TMEM204: variants seen among roughly 807,000 people sequenced by gnomAD.
TMEM204 encodes transmembrane protein 204, also known as claudin-like protein 24.
Under a neutral mutation model 19.4 loss-of-function variants are expected in TMEM204, and 15 were observed. That is an observed-to-expected ratio of 0.77 (90% confidence interval 0.52 to 1.19). TMEM204 has a LOEUF of 1.19. TMEM204 is among the 50% of genes most tolerant of loss of function. The pLI, the probability that TMEM204 is intolerant of heterozygous loss-of-function variation, is 0.00. For missense variants in TMEM204, 287 were observed against 321.2 expected, an observed-to-expected ratio of 0.89 and a Z score of 0.81; for synonymous variants, 161 against 146.0, an observed-to-expected ratio of 1.10 and a Z score of -0.74.
chr16:1,536,115 C>T (rs1218172502), intron 1 of TMEM204, among the ~76,000 whole-genome samples: 1 of 152,250 alleles, frequency 6.6e-6, no homozygotes, highest in Non-Finnish European at 1.5e-5. Flanking sequence ...GAGTTCCCAG[C>T]CGGCCCTTGG....
intron 1 of TMEM204, among the ~76,000 whole-genome samples, chr16:1,540,003 G>A (rs911586362): frequency 9.2e-5 from 14 of 152,204 alleles, no homozygotes; most frequent in Admixed American, 7.8e-4. Context: ...AGCTCCCTCC[G>A]CCCCGAGTGA....
Position 1,553,550 on chromosome 16 carries a change from G to C in TMEM204, c.437-1232G>C, listed in dbSNP as rs898091515. 40 of 1,002,306 alleles carry C rather than the reference G, an allele frequency of 4.0e-5. No individual in the cohort carries two copies. The highest frequency in any genetic ancestry group is 4.6e-5 in the Non-Finnish European group (39 of 839,128). The allele number at this position is 1,002,306 out of a possible 1,614,324, so 62.1% of individuals were successfully genotyped here. ...GACAAGTCCTCTATGGACAAGAGGGGCTGGAGAGTTTAATCTGGACCAGTG... is the reference window on the plus strand; with the variant it reads ...GACAAGTCCTCTATGGACAAGAGGGCCTGGAGAGTTTAATCTGGACCAGTG... On this transcript the variant is annotated intron_variant, in intron 2 of 2. Transcript: ENST00000566264. This position sits in a 1 kb window ranked among gnomAD's most constrained non-coding sequence, Gnocchi z 4.4.
chr16:1,545,941 T>C (rs1265889373), intron 2 of TMEM204, among the ~76,000 whole-genome samples: 1 of 152,216 alleles, frequency 6.6e-6, no homozygotes, highest in Admixed American at 6.5e-5. Context: ...AGCTGAAATG[T>C]GCGGGGACCC....
At chr16:1,544,078 C>T (rs1299622895) in intron 2 of TMEM204, among the ~76,000 whole-genome samples, 7 of 149,542 alleles carry the variant, frequency 4.7e-5, no homozygotes, top group Admixed American at 1.3e-4. Context: ...AGTGCAGTGG[C>T]GCAATCTCGG....
intron 1 of TMEM204, 103 bp downstream of exon 1, chr16:1,534,658 C>T: frequency 6.6e-7 from 1 of 1,519,284 alleles, no homozygotes; most frequent in East Asian, 2.3e-5. Flanking sequence ...AGGCCTGGCC[C>T]CTGCTCTGCC....
intron 2 of TMEM204, among the ~76,000 whole-genome samples, chr16:1,545,197 G>A (rs905753226): frequency 6.6e-6 from 1 of 152,228 alleles, no homozygotes; most frequent in African/African-American, 2.4e-5. Context: ...TCCTGGTCAG[G>A]AGGGATGGTG....
chr16:1,535,936 G>A (rs1399654622), intron 1 of TMEM204, among the ~76,000 whole-genome samples: 3 of 152,232 alleles, frequency 2.0e-5, no homozygotes, highest in African/African-American at 4.8e-5. Context: ...CCGGCCAGGC[G>A]CCCTTCTTCC....
chr16:1,529,087 G>A (rs950925600), upstream of TMEM204, among the ~76,000 whole-genome samples: 4 of 152,206 alleles, frequency 2.6e-5, no homozygotes, highest in Non-Finnish European at 1.5e-5. Flanking sequence ...GCTGCAACGC[G>A]GCATACCCAG....
rs747024008 is a variant in TMEM204 at position 1,551,232 on chromosome 16, G to A, written c.437-3550G>A. Among the ~76,000 whole-genome samples, 5 of 152,228 alleles carry A rather than the reference G, an allele frequency of 3.3e-5. No homozygotes were observed. The highest frequency in any genetic ancestry group is 5.9e-5 in the Non-Finnish European group (4 of 68,046). ...GGCCCCGGGGAGCCTGCCCTGTGGCGGGGGAGAGCGGCCAGAGCCACCCAT... is the reference window on the plus strand; with the variant it reads ...GGCCCCGGGGAGCCTGCCCTGTGGCAGGGGAGAGCGGCCAGAGCCACCCAT... On this transcript the variant is annotated intron_variant, in intron 2 of 2. Transcript: ENST00000566264. This position sits in a 1 kb window ranked among gnomAD's most constrained non-coding sequence, Gnocchi z 4.0.
At chr16:1,552,015 C>T (rs1297577361) in intron 2 of TMEM204, among the ~76,000 whole-genome samples, 1 of 152,162 alleles carries the variant, frequency 6.6e-6, no homozygotes, top group East Asian at 1.9e-4. Context: ...GGAAACTGAC[C>T]CCCACGGCAA....
Position 1,542,045 on chromosome 16 carries a change from G to T in TMEM204, c.405G>T (p.Glu135Asp). 1 of 1,610,500 alleles carries T rather than the reference G, an allele frequency of 6.2e-7. No individual in the cohort carries two copies. Among genetic ancestry groups the T allele is most frequent in the South Asian group, 1.1e-5 (1 of 90,822 alleles). ...PLLSPDAPCW[E>D]EAMAAAFQLA... is the part of the protein sequence containing the mutation. ...TGTCACCCGACGCCCCGTGCTGGGA[G>T]GAGGCCATGGCCGCTGCATTCCAAC... is the stretch of plus-strand genomic sequence containing the variant. Residue 135 changes from glutamate (E) to aspartate (D), a missense_variant, in exon 2 of 3, where the codon GAG (glutamate) becomes GAT (aspartate). By Grantham distance (45) the Glu-to-Asp change is conservative (BLOSUM62 2). Transcript: ENST00000566264.
At chr16:1,532,797 A>AT (rs1387973120), upstream of TMEM204, 1 of 152,262 alleles carries the variant, frequency 6.6e-6, no homozygotes, top group Admixed American at 6.5e-5. Context: ...GCTGGGCAGA[A>AT]TAATTCTGAG....
At chr16:1,544,735 G>T (rs1324079282) in intron 2 of TMEM204, among the ~76,000 whole-genome samples, 1 of 151,072 alleles carries the variant, frequency 6.6e-6, no homozygotes, top group Admixed American at 6.6e-5. Context: ...TGCAAGCTCC[G>T]CCTCCCGGGT....
chr16:1,554,746 T>G, intron 2 of TMEM204, 36 bp from the exon 3 acceptor site: 1 of 1,608,598 alleles, frequency 6.2e-7, no homozygotes, highest in South Asian at 1.1e-5. Context: ...CGCCTTCCTC[T>G]CAGACAAGGC....
chr16:1,548,094 C>A (rs1392089740), intron 2 of TMEM204, among the ~76,000 whole-genome samples: 1 of 152,260 alleles, frequency 6.6e-6, no homozygotes, highest in Admixed American at 6.5e-5. Flanking sequence ...GCCTCTCGCT[C>A]TTCCCTCCCA....
chr16:1,553,948 T>A lies in TMEM204; in HGVS notation c.437-834T>A. 2.3e-6 allele frequency: 3 copies of A among 1,286,480 alleles called. No homozygotes were observed. Among genetic ancestry groups the A allele is most frequent in the Non-Finnish European group, 3.0e-6 (3 of 988,236 alleles). 79.7% of individuals were successfully genotyped at this position (1,286,480 alleles called of 1,614,324 possible). ...AGCTCCTCAAAGATAAAACTGTAAG[T>A]GAAACTGTAGCATCAGCGACTAACT... On this transcript the variant is annotated intron_variant, in intron 2 of 2. Coordinates refer to ENST00000566264, the MANE Select transcript of TMEM204 (RefSeq NM_024600.6). This position sits in a 1 kb window ranked among gnomAD's most constrained non-coding sequence, Gnocchi z 4.4.
chr16:1,531,427 G>A (rs1047204982), upstream of TMEM204: 9 of 152,258 alleles, frequency 5.9e-5, no homozygotes, highest in Non-Finnish European at 1.2e-4. This position sits in a 1 kb window ranked among gnomAD's most constrained non-coding sequence, Gnocchi z 4.7. Context: ...CCGTGTCCCT[G>A]TTCTGTGCTA....
rs147404534 is a variant in TMEM204 at position 1,538,396 on chromosome 16, C to G, written c.281-3525C>G. On this transcript the variant is annotated intron_variant, in intron 1 of 2. Transcript: ENST00000566264. ...TCTGCTTATTCCCAGCTCCCAGGAA[C>G]CTTGGTCACTCACCCTCACCACAAC... Among the ~76,000 whole-genome samples, 391 of 152,318 alleles carry G rather than the reference C, an allele frequency of 2.6e-3. 1 individual carries two copies. Among genetic ancestry groups the G allele is most frequent in the Middle Eastern group, 0.014 (4 of 294 alleles).
Position 1,534,101 on chromosome 16 carries a change from A to G in TMEM204, c.-175A>G. On this transcript the variant is annotated 5_prime_UTR_variant, in exon 1 of 3. An upstream open reading frame in the 5' UTR loses its in-frame stop. Transcript: ENST00000566264. ...TGCTCCAGGTGCAGGAAGGAGGATA[A>G]GGCCGGGCCGAGAGGCGGCACACCT... is the stretch of plus-strand genomic sequence containing the variant. 2 of 739,278 alleles carry G rather than the reference A, an allele frequency of 2.7e-6. No homozygotes were observed. The highest frequency in any genetic ancestry group is 4.2e-6 in the Non-Finnish European group (2 of 478,976). 45.8% of individuals were successfully genotyped at this position (739,278 alleles called of 1,614,324 possible).
Sources: gnomAD v4.1 joint callset for allele counts (sites outside exome capture counted in the v4.1 genomes callset) on GRCh38, gnomAD v4.1.1 for gene constraint, Gnocchi (gnomAD v3.1) non-coding constraint, MANE v1.5 for transcripts, NCBI Gene and HGNC (gene_info 2026-07-23, HGNC 2026-07-21) for gene names.